SEM1: variants seen among roughly 807,000 people sequenced by gnomAD.
The protein encoded by SEM1 is SEM1 26S proteasome subunit.
A neutral mutation model predicts 12.7 loss-of-function variants in SEM1; 3 were observed. That is an observed-to-expected ratio of 0.24 (90% CI 0.11 to 0.61). SEM1 has a LOEUF of 0.61. Among genes scored for constraint, SEM1 ranks in the 20% least tolerant of loss-of-function variants. The pLI is 0.88. For synonymous variants in SEM1, 30 were observed against 27.8 expected (o/e 1.08, Z -0.25); for missense variants, 59 against 81.3 (o/e 0.73, Z 1.06).
At chr7:96,626,553 T>A (rs1355999541) in intron 2 of SEM1, among the ~76,000 whole-genome samples, 1 of 152,196 alleles carries the variant, frequency 6.6e-6, no homozygotes, top group Non-Finnish European at 1.5e-5. Context: ...ATGGGTTTTT[T>A]AATCCTTTAT....
chr7:96,525,787 A>G (rs1235415506), intron 2 of SEM1, among the ~76,000 whole-genome samples: 12 of 152,144 alleles, frequency 7.9e-5, no homozygotes, highest in Admixed American at 7.9e-4. Context: ...CCTCATAGGA[A>G]CGCCAACCCT....
chr7:96,546,173 C>G (rs1805097342), intron 2 of SEM1, among the ~76,000 whole-genome samples: 1 of 152,044 alleles, frequency 6.6e-6, no homozygotes, highest in African/African-American at 2.4e-5. Flanking sequence ...ATAAAGAGAA[C>G]CCAACAACTG....
intron 2 of SEM1, among the ~76,000 whole-genome samples, chr7:96,590,271 A>T (rs548694349): frequency 6.6e-6 from 1 of 152,246 alleles, no homozygotes; most frequent in South Asian, 2.1e-4. Flanking sequence ...TGTTAGTATA[A>T]TTATGTCCCA....
At chr7:96,605,982 T>C (rs1305053363) in intron 2 of SEM1, among the ~76,000 whole-genome samples, 1 of 152,208 alleles carries the variant, frequency 6.6e-6, no homozygotes, top group Non-Finnish European at 1.5e-5. Flanking sequence ...GTAGCCATCT[T>C]GGTGATCAGA....
At chr7:96,554,271 G>A (rs1805400826) in intron 2 of SEM1, among the ~76,000 whole-genome samples, 1 of 109,172 alleles carries the variant, frequency 9.2e-6, no homozygotes, top group Admixed American at 1.0e-4. Context: ...CCTGTCTTGT[G>A]CCAGTTTTCA....
At chr7:96,649,367 G>A (rs1346622740) in intron 2 of SEM1, 1 of 152,014 alleles carries the variant, frequency 6.6e-6, no homozygotes, top group African/African-American at 2.4e-5. Flanking sequence ...AATATTCTGT[G>A]GTGAAAAAAT....
chr7:96,647,259 T>C (rs1808824439), intron 2 of SEM1, among the ~76,000 whole-genome samples: 2 of 152,124 alleles, frequency 1.3e-5, no homozygotes, highest in Admixed American at 6.6e-5. Flanking sequence ...TGGAGTCAAA[T>C]CAAATAGATG....
downstream of SEM1, among the ~76,000 whole-genome samples, chr7:96,685,910 A>G (rs1045049982): frequency 3.3e-5 from 5 of 152,106 alleles, no homozygotes; most frequent in Non-Finnish European, 7.4e-5. Context: ...CTGTTCTGAA[A>G]CTTAACACAC....
chr7:96,532,792 G>A (rs894545889), intron 2 of SEM1, among the ~76,000 whole-genome samples: 1 of 152,054 alleles, frequency 6.6e-6, no homozygotes, highest in African/African-American at 2.4e-5. Flanking sequence ...TACAGATACA[G>A]CCTGAAAACC....
At chr7:96,533,917 G>A (rs1804713548) in intron 2 of SEM1, among the ~76,000 whole-genome samples, 1 of 151,974 alleles carries the variant, frequency 6.6e-6, no homozygotes, top group Admixed American at 6.6e-5. Context: ...AAAATCCAGT[G>A]TAACTTAATA....
chr7:96,699,586 C>T (rs1311010920), intron 1 of SEM1, among the ~76,000 whole-genome samples: 1 of 152,166 alleles, frequency 6.6e-6, no homozygotes, highest in East Asian at 1.9e-4. Context: ...TATACATACA[C>T]ATTTATTTTT....
At chr7:96,561,763 G>T (rs1195554368) in intron 2 of SEM1, among the ~76,000 whole-genome samples, 1 of 152,222 alleles carries the variant, frequency 6.6e-6, no homozygotes, top group Non-Finnish European at 1.5e-5. Flanking sequence ...GTTATAGATG[G>T]AGAGGTGACA....
intron 2 of SEM1, among the ~76,000 whole-genome samples, chr7:96,564,603 C>T (rs1330160908): frequency 6.6e-6 from 1 of 151,878 alleles, no homozygotes; most frequent in Non-Finnish European, 1.5e-5. Context: ...GGGCTTCTTT[C>T]TTGGATCATT....
intron 2 of SEM1, among the ~76,000 whole-genome samples, chr7:96,548,720 C>G (rs1165970769): frequency 6.6e-6 from 1 of 152,074 alleles, no homozygotes; most frequent in African/African-American, 2.4e-5. Context: ...TCTTTGAGCA[C>G]AGGTACTTTC....
At chr7:96,515,467 G>A (rs1442370086) in intron 2 of SEM1, among the ~76,000 whole-genome samples, 1 of 152,150 alleles carries the variant, frequency 6.6e-6, no homozygotes, top group African/African-American at 2.4e-5. Flanking sequence ...AGACAGTGTG[G>A]CAATTCCTCA....
intron 2 of SEM1, among the ~76,000 whole-genome samples, chr7:96,550,771 C>G (rs1805244008): frequency 6.6e-6 from 1 of 152,102 alleles, no homozygotes; most frequent in Non-Finnish European, 1.5e-5. Flanking sequence ...GCCTTCTCTG[C>G]TTTTGTACAG....
At position 96,692,182 on chromosome 7, in the gene SEM1, G is replaced by A. The variant is rs75872732; in HGVS notation, c.170+2616C>T. The stretch of plus-strand genomic sequence containing the variant: ...CAATAAAAAGGCAACATGTAATGAT[G>A]TGAAATCTAATTATCAATACATTTA... On this transcript the variant is annotated intron_variant, in intron 2 of 2. Coordinates refer to ENST00000248566, the MANE Select transcript of SEM1 (RefSeq NM_006304.2). Among the ~76,000 whole-genome samples the A allele has an allele frequency of 2.6e-5, 4 of 152,224 alleles. No homozygotes were observed. In the East Asian group the frequency reaches 5.8e-4, roughly 22 times the overall value.
chr7:96,669,287 G>C (rs768949743), downstream of SEM1, among the ~76,000 whole-genome samples: 1 of 152,266 alleles, frequency 6.6e-6, no homozygotes, highest in Non-Finnish European at 1.5e-5. Context: ...TTCCTGTAAA[G>C]GGACAGATGA....
At chr7:96,644,753 T>C (rs1383319145) in intron 2 of SEM1, among the ~76,000 whole-genome samples, 1 of 152,124 alleles carries the variant, frequency 6.6e-6, no homozygotes, top group Non-Finnish European at 1.5e-5. Flanking sequence ...TTCCTGAAAG[T>C]TGGGCACCAG....
Sources: gnomAD v4.1 joint callset for allele counts (sites outside exome capture counted in the v4.1 genomes callset) on GRCh38, gnomAD v4.1.1 for gene constraint, MANE v1.5 for transcripts, NCBI Gene and HGNC (gene_info 2026-07-23, HGNC 2026-07-21) for gene names.